DOCK3: variants seen among roughly 807,000 people sequenced by gnomAD.
The protein encoded by DOCK3 is dedicator of cytokinesis 3.
DOCK3 carries 60 observed loss-of-function variants against 265.6 expected under a neutral mutation model. The ratio of observed to expected loss-of-function variants is 0.23; its 90% CI spans 0.18 to 0.28. The LOEUF is 0.28. Ranked by LOEUF, DOCK3 falls within the 10% of genes least tolerant of loss-of-function variation. The pLI is 1.00. For synonymous variants in DOCK3, 881 were observed against 938.0 expected, an observed-to-expected ratio of 0.94 and a Z score of 1.11; for missense variants, 1,981 against 2,594.3, an observed-to-expected ratio of 0.76 and a Z score of 5.14.
intron 1 of DOCK3, among the ~76,000 whole-genome samples, chr3:50,707,009 G>A (rs952403476): frequency 6.6e-6 from 1 of 152,026 alleles, no homozygotes; most frequent in South Asian, 2.1e-4. Context: ...GTGAGATCTG[G>A]TTGTTTAAAA....
At chr3:50,747,795 C>G (rs920165330) in intron 1 of DOCK3, among the ~76,000 whole-genome samples, 1 of 148,126 alleles carries the variant, frequency 6.8e-6, no homozygotes, top group Non-Finnish European at 1.5e-5. Flanking sequence ...ACCTGGGAGG[C>G]GGAGGTTGCA....
At chr3:50,767,915 C>CCGTT (rs1553652207) in intron 1 of DOCK3, among the ~76,000 whole-genome samples, 4 of 151,938 alleles carry the variant, frequency 2.6e-5, no homozygotes, top group Non-Finnish European at 5.9e-5. Flanking sequence ...ATTTGGCTCT[C>CCGTT]TGTCCGTTAT....
intron 24 of DOCK3, among the ~76,000 whole-genome samples, chr3:51,271,295 G>A (rs2080480097): frequency 6.6e-6 from 1 of 152,162 alleles, no homozygotes; most frequent in South Asian, 2.1e-4. Flanking sequence ...CATAGACTGG[G>A]TGGCATGTAA....
chr3:50,809,261 A>G (rs948952635), intron 2 of DOCK3, among the ~76,000 whole-genome samples: 2 of 152,216 alleles, frequency 1.3e-5, no homozygotes, highest in African/African-American at 2.4e-5. Context: ...AAGAGCAGGC[A>G]AAAGGCTTGA....
intron 14 of DOCK3, among the ~76,000 whole-genome samples, chr3:51,216,762 G>A (rs746356922): frequency 6.6e-6 from 1 of 152,208 alleles, no homozygotes; most frequent in Non-Finnish European, 1.5e-5. Context: ...AACAGGAAAA[G>A]TGTGCAGGAG....
chr3:51,334,194 C>T (rs1049269873), intron 35 of DOCK3, among the ~76,000 whole-genome samples: 1 of 152,132 alleles, frequency 6.6e-6, no homozygotes, highest in Non-Finnish European at 1.5e-5. Context: ...TGTATCATGG[C>T]TTTTGAATTA....
chr3:50,717,301 G>A (rs540329275), intron 1 of DOCK3, among the ~76,000 whole-genome samples: 6 of 152,280 alleles, frequency 3.9e-5, no homozygotes, highest in African/African-American at 1.2e-4. Context: ...CTGAGTGTAC[G>A]CACTTGTCTT....
chr3:51,190,012 C>T (rs1430799951), intron 12 of DOCK3, among the ~76,000 whole-genome samples: 1 of 152,204 alleles, frequency 6.6e-6, no homozygotes, highest in African/African-American at 2.4e-5. Flanking sequence ...CAGGACGCTT[C>T]ACAAGCGCAA....
chr3:51,231,818 T>C (rs1260257249), intron 19 of DOCK3, among the ~76,000 whole-genome samples: 1 of 152,214 alleles, frequency 6.6e-6, no homozygotes, highest in Non-Finnish European at 1.5e-5. Flanking sequence ...GACTTAGTGA[T>C]AAGTGATTTC....
chr3:50,889,600 T>A (rs1448184612), intron 3 of DOCK3, among the ~76,000 whole-genome samples: 1 of 151,998 alleles, frequency 6.6e-6, no homozygotes, highest in East Asian at 1.9e-4. Context: ...CTCCTGTGAA[T>A]ATTAATGTTA....
intron 2 of DOCK3, among the ~76,000 whole-genome samples, chr3:50,825,139 C>T (rs186680172): frequency 5.9e-5 from 9 of 152,240 alleles, no homozygotes; most frequent in Middle Eastern, 3.4e-3. Context: ...TTTGCTACCA[C>T]GTTGAAAATA....
chr3:51,195,856 C>G (rs1345845226), intron 12 of DOCK3, among the ~76,000 whole-genome samples: 2 of 152,184 alleles, frequency 1.3e-5, no homozygotes, highest in African/African-American at 4.8e-5. Flanking sequence ...TTTTATTTCT[C>G]TTTCACTTAT....
chr3:50,811,045 C>T (rs1001038964), intron 2 of DOCK3, among the ~76,000 whole-genome samples: 3 of 152,028 alleles, frequency 2.0e-5, no homozygotes, highest in African/African-American at 7.2e-5. Flanking sequence ...TGCAGTGATA[C>T]AACAAAGATA....
chr3:50,914,145 C>T lies in DOCK3; in HGVS notation c.219-19836C>T, dbSNP rs147279283. ...CAGTTTTGTTTACCTTCTTTAAAAACCCAGTTTTTATTTTGTGGCTCTTTG... is the reference window on the plus strand; with the variant it reads ...CAGTTTTGTTTACCTTCTTTAAAAATCCAGTTTTTATTTTGTGGCTCTTTG... On this transcript the variant is annotated intron_variant, in intron 4 of 52. Coordinates refer to ENST00000266037, the MANE Select transcript of DOCK3 (RefSeq NM_004947.5). Among the ~76,000 whole-genome samples the T allele has an allele frequency of 5.6e-3, 850 of 151,338 alleles. 13 individuals are homozygous for T. Among genetic ancestry groups the T allele is most frequent in the African/African-American group, 0.018 (744 of 41,216 alleles).
At chr3:51,150,578 C>T (rs1221021872) in intron 10 of DOCK3, among the ~76,000 whole-genome samples, 1 of 152,258 alleles carries the variant, frequency 6.6e-6, no homozygotes, top group South Asian at 2.1e-4. Context: ...TTATTTCTGC[C>T]TTCATTTAGT....
chr3:51,264,989 T>C (rs1471561990), intron 23 of DOCK3, among the ~76,000 whole-genome samples: 1 of 151,802 alleles, frequency 6.6e-6, no homozygotes, highest in Non-Finnish European at 1.5e-5. Context: ...AAGAATCAAA[T>C]AGACACAACA....
intron 4 of DOCK3, among the ~76,000 whole-genome samples, chr3:50,928,760 A>G (rs61108141): frequency 0.23 from 35,417 of 152,144 alleles, 5,077 homozygotes; most frequent in East Asian, 0.39. Flanking sequence ...ATCTGAAAAG[A>G]ATTTACAGAT....
intron 2 of DOCK3, among the ~76,000 whole-genome samples, chr3:50,838,514 T>C (rs2045643405): frequency 6.6e-6 from 1 of 152,310 alleles, no homozygotes; most frequent in Non-Finnish European, 1.5e-5. Context: ...TATGATGACA[T>C]TGAAATTGAT....
intron 27 of DOCK3, among the ~76,000 whole-genome samples, chr3:51,284,968 A>G (rs1161517890): frequency 6.6e-6 from 1 of 152,262 alleles, no homozygotes; most frequent in Non-Finnish European, 1.5e-5. Context: ...ACAGTGGGAT[A>G]TAAATGCCCA....
Sources: allele counts gnomAD v4.1 joint callset (sites outside exome capture counted in the v4.1 genomes callset), GRCh38; gene constraint gnomAD v4.1.1; transcripts MANE v1.5; gene names NCBI Gene and HGNC (gene_info 2026-07-23, HGNC 2026-07-21).